The following SLC24A3 variants were observed in gnomAD, a reference collection of about 807,000 sequenced individuals.
The protein encoded by SLC24A3 is sodium/potassium/calcium exchanger 3.
A neutral mutation model predicts 75.8 loss-of-function variants in SLC24A3; 28 were observed. The ratio of observed to expected loss-of-function variants is 0.37; its 90% CI spans 0.27 to 0.51. The LOEUF is 0.51. Ranked by LOEUF, SLC24A3 falls within the 20% of genes least tolerant of loss-of-function variation. The probability of loss-of-function intolerance (pLI) is 0.94; values close to 1 mark genes in which losing one functional copy is unlikely to be tolerated. For missense variants in SLC24A3, 663 were observed against 847.8 expected (o/e 0.78, Z 2.71); for synonymous variants, 372 against 334.1 (o/e 1.11, Z -1.24).
At chr20:19,392,939 C>G (rs1173850627) in intron 2 of SLC24A3, among the ~76,000 whole-genome samples, 1 of 152,140 alleles carries the variant, frequency 6.6e-6, no homozygotes, top group Non-Finnish European at 1.5e-5. Flanking sequence ...AAGATCCTCT[C>G]TTATCTTGTC....
chr20:19,448,342 T>G (rs1185725652), intron 2 of SLC24A3, among the ~76,000 whole-genome samples: 1 of 152,244 alleles, frequency 6.6e-6, no homozygotes, highest in Non-Finnish European at 1.5e-5. Flanking sequence ...TACTCTGTCT[T>G]TTAATTCCGG....
chr20:19,309,729 C>A (rs1984411524), intron 2 of SLC24A3, among the ~76,000 whole-genome samples: 1 of 152,188 alleles, frequency 6.6e-6, no homozygotes, highest in Non-Finnish European at 1.5e-5. Context: ...GAACTTTTTG[C>A]AAGCTTCTTC....
chr20:19,598,920 A>G (rs893649903), intron 6 of SLC24A3, among the ~76,000 whole-genome samples: 1 of 148,286 alleles, frequency 6.7e-6, no homozygotes, highest in African/African-American at 2.5e-5. Flanking sequence ...ACACACACAC[A>G]CGCACACACA....
chr20:19,411,027 C>G (rs774050664), intron 2 of SLC24A3, among the ~76,000 whole-genome samples: 1 of 152,166 alleles, frequency 6.6e-6, no homozygotes, highest in Non-Finnish European at 1.5e-5. Flanking sequence ...CTAAGAATGG[C>G]CACACATTTA....
At chr20:19,294,152 A>AT in intron 2 of SLC24A3, among the ~76,000 whole-genome samples, 1 of 151,478 alleles carries the variant, frequency 6.6e-6, no homozygotes, top group African/African-American at 2.4e-5. Flanking sequence ...ACTTTGTGGA[A>AT]TTTTTTTTCC....
intron 15 of SLC24A3, among the ~76,000 whole-genome samples, chr20:19,705,624 C>A (rs1464871141): frequency 6.6e-6 from 1 of 152,188 alleles, no homozygotes; most frequent in African/African-American, 2.4e-5. Context: ...CTTTCTGCAT[C>A]TCTGACATCA....
intron 6 of SLC24A3, among the ~76,000 whole-genome samples, chr20:19,628,119 G>A (rs532921643): frequency 6.8e-6 from 1 of 146,416 alleles, no homozygotes; most frequent in African/African-American, 2.6e-5. Context: ...CAGGAGAATC[G>A]CTTGAACCCA....
At chr20:19,335,797 A>T (rs1309745606) in intron 2 of SLC24A3, among the ~76,000 whole-genome samples, 1 of 152,254 alleles carries the variant, frequency 6.6e-6, no homozygotes, top group Non-Finnish European at 1.5e-5. Context: ...AAATTGAGTT[A>T]GCATCAATTA....
intron 7 of SLC24A3, 47 bp from the exon 8 acceptor site, chr20:19,665,817 G>C (rs1180062035): frequency 2.6e-6 from 4 of 1,529,104 alleles, no homozygotes; most frequent in Non-Finnish European, 3.5e-6. Context: ...GTGTGTGTGT[G>C]TGTGTGTGTG....
At chr20:19,619,397 A>G (rs2031776466) in intron 6 of SLC24A3, among the ~76,000 whole-genome samples, 1 of 152,176 alleles carries the variant, frequency 6.6e-6, no homozygotes, top group South Asian at 2.1e-4. Flanking sequence ...GAATGTTTCC[A>G]GCTGGGAAGC....
At chr20:19,379,124 A>G (rs537915555) in intron 2 of SLC24A3, among the ~76,000 whole-genome samples, 8 of 152,266 alleles carry the variant, frequency 5.3e-5, no homozygotes, top group Admixed American at 5.2e-4. Flanking sequence ...ATGAACCATG[A>G]GCGGTAAAAA....
chr20:19,306,323 T>C (rs557433563), intron 2 of SLC24A3, among the ~76,000 whole-genome samples: 7 of 152,338 alleles, frequency 4.6e-5, no homozygotes, highest in Non-Finnish European at 4.4e-5. Flanking sequence ...TGGAGATTTC[T>C]CAAAGAACTT....
chr20:19,647,854 G>T (rs894733139), intron 6 of SLC24A3, among the ~76,000 whole-genome samples: 1 of 152,176 alleles, frequency 6.6e-6, no homozygotes, highest in Admixed American at 6.5e-5. Context: ...GTCTCCACTA[G>T]AAGCTTGTTT....
At chr20:19,707,581 A>G (rs1242840281) in intron 15 of SLC24A3, among the ~76,000 whole-genome samples, 3 of 152,220 alleles carry the variant, frequency 2.0e-5, no homozygotes, top group Non-Finnish European at 4.4e-5. Context: ...CATAGGAGGC[A>G]AGAGTGGATG....
chr20:19,214,493 T>C (rs963460805), intron 1 of SLC24A3, among the ~76,000 whole-genome samples: 2 of 152,232 alleles, frequency 1.3e-5, no homozygotes, highest in Admixed American at 1.3e-4. Context: ...TGGAAAGGGC[T>C]ATTCCTAGTG....
chr20:19,521,517 A>G lies in SLC24A3; in HGVS notation c.348+5953A>G, dbSNP rs79370924. ...TATGTGGATGTGTTCTTGAAGGAGC[A>G]TGAGGCTGGGACACCTCCTGGGAGA... On this transcript the variant is annotated intron_variant, in intron 3 of 16. Transcript: ENST00000328041. Among the ~76,000 whole-genome samples the G allele has an allele frequency of 7.1e-3, 1,076 of 152,152 alleles. 16 individuals are homozygous for G. Among genetic ancestry groups the G allele is most frequent in the African/African-American group, 0.024 (1,016 of 41,540 alleles).
intron 2 of SLC24A3, among the ~76,000 whole-genome samples, chr20:19,402,152 A>G (rs1003584685): frequency 1.3e-5 from 2 of 152,236 alleles, no homozygotes; most frequent in Non-Finnish European, 2.9e-5. Flanking sequence ...GAGGAAAGAA[A>G]GAATTACTGC....
At chr20:19,556,414 C>A (rs1181686419) in intron 3 of SLC24A3, among the ~76,000 whole-genome samples, 1 of 152,056 alleles carries the variant, frequency 6.6e-6, no homozygotes, top group Non-Finnish European at 1.5e-5. Context: ...ACCCCATCGT[C>A]CAAATTAGTA....
At chr20:19,415,332 G>A (rs1199911172) in intron 2 of SLC24A3, among the ~76,000 whole-genome samples, 1 of 152,108 alleles carries the variant, frequency 6.6e-6, no homozygotes, top group Non-Finnish European at 1.5e-5. Flanking sequence ...AACTGTGTAG[G>A]CTCCTGTGCC....
Sources: allele counts gnomAD v4.1 joint callset (sites outside exome capture counted in the v4.1 genomes callset), GRCh38; gene constraint gnomAD v4.1.1; transcripts MANE v1.5; gene names NCBI Gene and HGNC (gene_info 2026-07-23, HGNC 2026-07-21).